The following SNAP29 variants were observed in gnomAD, a reference collection of about 807,000 sequenced individuals.
SNAP29 encodes synaptosome associated protein 29, also known as synaptosomal-associated protein 29.
A neutral mutation model predicts 27.9 loss-of-function variants in SNAP29; 13 were observed. The observed-to-expected ratio is 0.47, with a 90% CI of 0.30 to 0.74. The LOEUF is 0.74. Among genes scored for constraint, SNAP29 ranks in the 30% least tolerant of loss-of-function variants. The probability of loss-of-function intolerance (pLI) is 0.06; values close to 1 mark genes in which losing one functional copy is unlikely to be tolerated. For missense variants in SNAP29, 368 were observed against 336.5 expected, an observed-to-expected ratio of 1.09 and a Z score of -0.73; for synonymous variants, 119 against 127.1, an observed-to-expected ratio of 0.94 and a Z score of 0.43.
Position 20,865,407 on chromosome 22 carries a change from G to A in SNAP29, c.238-4930G>A, listed in dbSNP as rs188715971. Among the ~76,000 whole-genome samples the A allele has an allele frequency of 6.4e-3, 970 of 151,840 alleles. 16 individuals carry two copies. Among genetic ancestry groups the A allele is most frequent in the African/African-American group, 0.022 (931 of 41,450 alleles). The stretch of plus-strand genomic sequence containing the variant: ...TCCCAGGCCAATTTGCTGGCTTGTT[G>A]GCTGTAACAGGATGCCTTCTGAGGA... On this transcript the variant is annotated intron_variant, in intron 1 of 4. Transcript: ENST00000215730.
In SNAP29 at chr22:20,883,588, C is replaced by G; in HGVS notation, c.619+19C>G. 6.6e-7 allele frequency: 1 copy of G among 1,517,802 alleles called. No homozygotes were observed. Among genetic ancestry groups the G allele is most frequent in the Non-Finnish European group, 9.2e-7 (1 of 1,092,590 alleles). The allele number at this position is 1,517,802 out of a possible 1,614,324, so 94.0% of individuals were successfully genotyped here. A position where few individuals can be genotyped will look rare whatever the true frequency, so the allele number is the denominator to read the frequency against. ...AACCTAGGTAAGACTGAGCACCACA[C>G]CAGCTTCTGTAAGCCACTGTCCTTC... is the stretch of plus-strand genomic sequence containing the variant. On this transcript the variant is annotated intron_variant, in intron 4 of 4. Coordinates refer to ENST00000215730, the MANE Select transcript of SNAP29 (RefSeq NM_004782.4).
intron 2 of SNAP29, chr22:20,870,967 G>A: frequency 3.4e-6 from 1 of 295,488 alleles, no homozygotes; most frequent in Non-Finnish European, 6.6e-6. Flanking sequence ...TGGGAACCCA[G>A]TCTTTACAAA....
rs116426040 is a variant in SNAP29, at chr22:20,867,016, G to A, written c.238-3321G>A. Among the ~76,000 whole-genome samples, 305 of 152,284 alleles carry A rather than the reference G, an allele frequency of 2.0e-3. 3 individuals are homozygous for A. Among genetic ancestry groups the A allele is most frequent in the African/African-American group, 7.0e-3 (291 of 41,554 alleles). On this transcript the variant is annotated intron_variant, in intron 1 of 4. Coordinates refer to ENST00000215730, the MANE Select transcript of SNAP29 (RefSeq NM_004782.4). Reference sequence around the variant, plus strand: ...GACTCATCTGCCTTTCTTGGATTCCGAGCATTGCAATGTTGTCAACAAATG... The same window carrying A: ...GACTCATCTGCCTTTCTTGGATTCCAAGCATTGCAATGTTGTCAACAAATG...
At chr22:20,864,324 G>A (rs535703800) in intron 1 of SNAP29, among the ~76,000 whole-genome samples, 4 of 152,242 alleles carry the variant, frequency 2.6e-5, no homozygotes, top group South Asian at 4.1e-4. Flanking sequence ...CCTCCACACC[G>A]TCTCGTGCAG....
In SNAP29 at chr22:20,881,153, G is replaced by GA; in HGVS notation, c.520+19_520+20insA. On this transcript the variant is annotated intron_variant, in intron 3 of 4. Coordinates refer to ENST00000215730, the MANE Select transcript of SNAP29 (RefSeq NM_004782.4). ...GATACAGGTAAGTGGATACCTGTGT[G>GA]CACAGCCACATTTGAATTCTGGGGG... 1 of 1,517,810 alleles carries GA rather than the reference G, an allele frequency of 6.6e-7. No homozygotes were observed. Among genetic ancestry groups the GA allele is most frequent in the Non-Finnish European group, 9.2e-7 (1 of 1,092,590 alleles). 94.0% of individuals were successfully genotyped at this position (1,517,810 alleles called of 1,614,324 possible).
At chr22:20,863,812 C>T (rs918793997) in intron 1 of SNAP29, among the ~76,000 whole-genome samples, 2 of 152,124 alleles carry the variant, frequency 1.3e-5, no homozygotes, top group South Asian at 2.1e-4. Context: ...CACTTTCCCT[C>T]CTTCAGTGTT....
intron 1 of SNAP29, among the ~76,000 whole-genome samples, chr22:20,860,299 G>A (rs938402250): frequency 2.2e-4 from 33 of 151,700 alleles, no homozygotes; most frequent in African/African-American, 7.7e-4. Flanking sequence ...AGAGGTTGCA[G>A]TTAGCTGAGA....
At chr22:20,859,868 A>G (rs1360087749) in intron 1 of SNAP29, among the ~76,000 whole-genome samples, 9 of 152,098 alleles carry the variant, frequency 5.9e-5, no homozygotes, top group Non-Finnish European at 1.5e-5. Flanking sequence ...TAACCAACCA[A>G]TAGAGGTATT....
At chr22:20,882,083 C>T (rs1056267576) in intron 3 of SNAP29, among the ~76,000 whole-genome samples, 7 of 151,844 alleles carry the variant, frequency 4.6e-5, no homozygotes, top group East Asian at 1.9e-4. Context: ...CCAAGGTACA[C>T]GGGTGAACTG....
At chr22:20,873,964 C>CAAAAAAAA (rs362036) in intron 2 of SNAP29, among the ~76,000 whole-genome samples, 5 of 25,970 alleles carry the variant, frequency 1.9e-4, no homozygotes, top group African/African-American at 8.7e-4. Context: ...GACTCTGTCT[C>CAAAAAAAA]AAAAAAAAAA....
At chr22:20,860,067 T>C (rs1442617576) in intron 1 of SNAP29, among the ~76,000 whole-genome samples, 1 of 152,080 alleles carries the variant, frequency 6.6e-6, no homozygotes, top group Non-Finnish European at 1.5e-5. Flanking sequence ...TAACAATTAT[T>C]CTGGCCGAGC....
At chr22:20,870,810 A>T (rs960501395) in intron 2 of SNAP29, 4 of 508,032 alleles carry the variant, frequency 7.9e-6, no homozygotes, top group Non-Finnish European at 1.1e-5. Context: ...TAATCTGTAC[A>T]AATGTGACTC....
chr22:20,874,309 CACACACAG>C lies in SNAP29; in HGVS notation c.434+3784_434+3791del, dbSNP rs1345496102. 2.1e-3 allele frequency among the ~76,000 whole-genome samples: 291 copies of C among 140,002 alleles called. 2 individuals are homozygous for C. Among genetic ancestry groups the C allele is most frequent in the African/African-American group, 7.9e-3 (273 of 34,634 alleles). The allele number at this position is 140,002 out of a possible 152,430, so 91.8% of individuals were successfully genotyped here. A position where few individuals can be genotyped will look rare whatever the true frequency, so the allele number is the denominator to read the frequency against. On this transcript the variant is annotated intron_variant, in intron 2 of 4. Transcript: ENST00000215730. ...AGAGCAAGACTCTGACACACACAGACACACACAGACACACACACACACACACACACGAA... is the reference window on the plus strand; with the variant it reads ...AGAGCAAGACTCTGACACACACAGACACACACACACACACACACACACGAA...
At chr22:20,871,583 A>G (rs1928592898) in intron 2 of SNAP29, among the ~76,000 whole-genome samples, 1 of 151,992 alleles carries the variant, frequency 6.6e-6, no homozygotes, top group Non-Finnish European at 1.5e-5. Context: ...GAAATATAAA[A>G]TCATACATGA....
chr22:20,881,040 T>C lies in SNAP29; in HGVS notation c.435-9T>C, dbSNP rs1473101162. 4 of 1,588,262 alleles carry C rather than the reference T, an allele frequency of 2.5e-6. No homozygotes were observed. The South Asian group carries it at 4.4e-5, about 18-fold the overall frequency. On this transcript the variant is annotated splice_polypyrimidine_tract_variant and intron_variant, in intron 2 of 4. Coordinates refer to ENST00000215730, the MANE Select transcript of SNAP29 (RefSeq NM_004782.4). ...AAACGTTTTCTTTTTTGTGAACTTT[T>C]ATCCAAAGATTGAAAGAAGCTATAA...
At chr22:20,887,183 G>GCA (rs1453644355) in intron 4 of SNAP29, among the ~76,000 whole-genome samples, 1 of 150,300 alleles carries the variant, frequency 6.7e-6, no homozygotes, top group Admixed American at 6.6e-5. Context: ...CGAGATCATG[G>GCA]CACTGCACTC....
intron 2 of SNAP29, among the ~76,000 whole-genome samples, chr22:20,873,660 G>A (rs1040400336): frequency 4.1e-4 from 62 of 151,788 alleles, no homozygotes; most frequent in African/African-American, 1.4e-3. Flanking sequence ...ACAAAACCCC[G>A]TCTCTACAGA....
At chr22:20,882,017 G>A (rs920633123) in intron 3 of SNAP29, among the ~76,000 whole-genome samples, 9 of 152,040 alleles carry the variant, frequency 5.9e-5, no homozygotes, top group African/African-American at 2.2e-4. Context: ...GAGAGCAGCA[G>A]AGTCAGAGAT....
At chr22:20,885,005 C>T (rs1297108617) in intron 4 of SNAP29, among the ~76,000 whole-genome samples, 1 of 152,130 alleles carries the variant, frequency 6.6e-6, no homozygotes, top group Non-Finnish European at 1.5e-5. Flanking sequence ...GAACTCCCGA[C>T]CTCAGGTGAC....
Sources: gnomAD v4.1 joint callset for allele counts (sites outside exome capture counted in the v4.1 genomes callset) on GRCh38, gnomAD v4.1.1 for gene constraint, MANE v1.5 for transcripts, NCBI Gene and HGNC (gene_info 2026-07-23, HGNC 2026-07-21) for gene names.